Variants in RP1 observed in about 807,000 individuals in gnomAD.
The protein encoded by RP1 is RP1 axonemal microtubule associated.
Under a neutral mutation model 14.8 loss-of-function variants are expected in RP1, and 16 were observed. The observed-to-expected ratio is 1.08, with a 90% CI of 0.73 to 1.65. The LOEUF is 1.65. RP1 is among the 40% of genes most tolerant of loss of function. The pLI is 0.00. For synonymous variants in RP1, 876 were observed against 883.6 expected (o/e 0.99, Z 0.15); for missense variants, 2,631 against 2,535.0 (o/e 1.04, Z -0.81).
At chr8:54,857,122 T>C (rs989844993) in intron 27 of RP1, 3 of 1,176,982 alleles carry the variant, frequency 2.5e-6, no homozygotes, top group Middle Eastern at 3.2e-4. Flanking sequence ...ATTTAGTTTC[T>C]TGGTAAGAAG....
Position 54,627,289 on chromosome 8 carries a change from T to A in RP1, c.3407T>A (p.Leu1136Gln). The stretch of plus-strand genomic sequence containing the variant: ...CTCCTTCTAGCTTGGCTCTTGGTGC[T>A]AAACCTAAAGGGAAGTATGAATAGC... ...TNLLLAWLLV[L>Q]NLKGSMNSFC... The change falls in exon 4 of 4, where the codon CTA becomes CAA. Residue 1136 changes from leucine to glutamine, a missense_variant. Physicochemically the swap from Leu to Gln is moderately radical, Grantham distance 113 (BLOSUM62 -2). Coordinates refer to ENST00000220676, the MANE Select transcript of RP1 (RefSeq NM_006269.2). 1 of 1,614,126 alleles carries A rather than the reference T, an allele frequency of 6.2e-7. No individual in the cohort carries two copies. Among genetic ancestry groups the A allele is most frequent in the Non-Finnish European group, 8.5e-7 (1 of 1,179,956 alleles).
chr8:54,611,511 T>C (rs1046974434), upstream of RP1, among the ~76,000 whole-genome samples: 2 of 152,334 alleles, frequency 1.3e-5, no homozygotes, highest in East Asian at 3.9e-4. Flanking sequence ...GTCCATTTTG[T>C]ACTTTTCTGC....
At position 54,626,990 on chromosome 8, in the gene RP1, T is replaced by C; in HGVS notation, c.3108T>C (p.Thr1036=). 1 of 1,613,970 alleles carries C rather than the reference T, an allele frequency of 6.2e-7. No homozygotes were observed. The highest frequency in any genetic ancestry group is 8.5e-7 in the Non-Finnish European group (1 of 1,179,954). The stretch of plus-strand genomic sequence containing the variant: ...AGTCAGCTATTAATGATCATAATAC[T>C]AAAAGTCATATAGCTGCTGAAAAAT... ...LSQSAINDHN[T]KSHIAAEKSG... is the part of the protein sequence containing the mutation. The change falls in exon 4 of 4, where the codon ACT becomes ACC. Residue 1036 remains threonine, a synonymous_variant. Transcript: ENST00000220676.
At chr8:54,844,688 T>C (rs1223095213) in intron 25 of RP1, among the ~76,000 whole-genome samples, 2 of 152,238 alleles carry the variant, frequency 1.3e-5, no homozygotes, top group Non-Finnish European at 2.9e-5. Flanking sequence ...CGTTTCCCAA[T>C]AAAATATGAA....
intron 12 of RP1, chr8:54,696,676 C>G (rs1585615034): frequency 2.6e-6 from 2 of 781,142 alleles, no homozygotes; most frequent in South Asian, 1.5e-5. Flanking sequence ...TTGTACGCAT[C>G]AAAAGGATTG....
At chr8:54,870,174 G>A (rs796399252) in exon 29 of RP1, 9 of 350,580 alleles carry the variant, frequency 2.6e-5, no homozygotes, top group African/African-American at 1.9e-4. Context: ...TACTGCTGCT[G>A]CTCACCTCCT....
intron 18 of RP1, among the ~76,000 whole-genome samples, chr8:54,737,089 C>T (rs1213173130): frequency 6.6e-6 from 1 of 152,110 alleles, no homozygotes; most frequent in Non-Finnish European, 1.5e-5. Flanking sequence ...TTTTTGAGGA[C>T]AATGTGGGAT....
chr8:54,635,680 T>C (rs1474988422), downstream of RP1, among the ~76,000 whole-genome samples: 1 of 152,204 alleles, frequency 6.6e-6, no homozygotes, highest in Non-Finnish European at 1.5e-5. Context: ...TCCCGTGTAG[T>C]TGTTTGCCGT....
chr8:54,686,151 T>G (rs1056902654), intron 12 of RP1, among the ~76,000 whole-genome samples: 12 of 152,324 alleles, frequency 7.9e-5, no homozygotes, highest in African/African-American at 2.6e-4. Context: ...TATGAGTAAT[T>G]TTCCTCAATG....
chr8:54,779,146 T>A (rs1810118649), intron 23 of RP1, among the ~76,000 whole-genome samples: 1 of 152,154 alleles, frequency 6.6e-6, no homozygotes, highest in African/African-American at 2.4e-5. Context: ...CTCTTGGTCT[T>A]TTTAGGCTGT....
chr8:54,804,898 G>A (rs116026308), intron 24 of RP1, among the ~76,000 whole-genome samples: 4,365 of 152,320 alleles, frequency 0.029, 120 homozygotes, highest in African/African-American at 0.064. Flanking sequence ...TTGTTTGTAT[G>A]CATTATACCC....
At chr8:54,711,697 T>G (rs1808296398) in intron 15 of RP1, among the ~76,000 whole-genome samples, 1 of 152,198 alleles carries the variant, frequency 6.6e-6, no homozygotes, top group Non-Finnish European at 1.5e-5. Context: ...ATGACTCCTT[T>G]TGTGTAGTTA....
In RP1 at chr8:54,629,412, A is replaced by G; in HGVS notation, c.5530A>G (p.Lys1844Glu). 1 of 1,614,164 alleles carries G rather than the reference A, an allele frequency of 6.2e-7. No homozygotes were observed. Among genetic ancestry groups the G allele is most frequent in the Non-Finnish European group, 8.5e-7 (1 of 1,179,998 alleles). Residue 1844 changes from lysine to glutamate, a missense_variant, in exon 4 of 4, where the codon AAG becomes GAG. Coordinates refer to ENST00000220676, the MANE Select transcript of RP1 (RefSeq NM_006269.2). ...GGATGTTCGCAATGAAACCTGTGCC[A>G]AGGAAAGAATAGCAAATCATCATAC... ...LLDVRNETCA[K>E]ERIANHHTEE...
At chr8:54,694,231 T>C (rs1352229994) in intron 12 of RP1, among the ~76,000 whole-genome samples, 1 of 152,228 alleles carries the variant, frequency 6.6e-6, no homozygotes, top group Non-Finnish European at 1.5e-5. Context: ...CAGTATTTTA[T>C]TGAGGATTTT....
chr8:54,668,364 T>C (rs531836937), intron 7 of RP1, among the ~76,000 whole-genome samples: 129 of 152,110 alleles, frequency 8.5e-4, no homozygotes, highest in African/African-American at 2.9e-3. Flanking sequence ...CACTGTTCAA[T>C]GAAATAAAAG....
intron 1 of RP1, chr8:54,560,732 C>T (rs1804268563): frequency 6.6e-6 from 1 of 151,932 alleles, no homozygotes; most frequent in Admixed American, 6.6e-5. Flanking sequence ...AAGGCCACAA[C>T]ACACAGTGCT....
chr8:54,688,982 T>G (rs1807638650), intron 12 of RP1, among the ~76,000 whole-genome samples: 1 of 152,196 alleles, frequency 6.6e-6, no homozygotes, highest in Non-Finnish European at 1.5e-5. Context: ...TCATCTTTTA[T>G]TTCGTTGAGC....
rs558348626 is a variant in RP1 at position 54,679,194 on chromosome 8, C to T, written c.1479-226C>T. ...ACTCACCTGTGTTATTAGGCAAAAA[C>T]ATATTTTAGCCTTACCAGATAGTAA... On this transcript the variant is annotated intron_variant, in intron 9 of 22. Transcript: ENST00000636932. 4.3e-4 allele frequency among the ~76,000 whole-genome samples: 65 copies of T among 152,246 alleles called. 1 individual carries two copies. The highest frequency in any genetic ancestry group is 1.5e-3 in the African/African-American group (61 of 41,550).
chr8:54,575,246 C>A (rs1280180721), intron 1 of RP1, among the ~76,000 whole-genome samples: 1 of 152,120 alleles, frequency 6.6e-6, no homozygotes, highest in Non-Finnish European at 1.5e-5. Context: ...GATCTGGAAG[C>A]TGTGAAGGGT....
Sources: gnomAD v4.1 joint callset for allele counts (sites outside exome capture counted in the v4.1 genomes callset) on GRCh38, gnomAD v4.1.1 for gene constraint, MANE v1.5 for transcripts, NCBI Gene and HGNC (gene_info 2026-07-23, HGNC 2026-07-21) for gene names.